The following PCDHGB4 variants were observed in gnomAD, a reference collection of about 807,000 sequenced individuals.
PCDHGB4 encodes protocadherin gamma-B4.
PCDHGB4 carries 38 observed loss-of-function variants against 60.5 expected under a neutral mutation model. That is an observed-to-expected ratio of 0.63 (90% confidence interval 0.48 to 0.82). The LOEUF is 0.82. PCDHGB4 is among the 40% of genes least tolerant of loss of function. PCDHGB4 has a pLI of 0.00. For synonymous variants in PCDHGB4, 456 were observed against 509.7 expected, an observed-to-expected ratio of 0.89 and a Z score of 1.42; for missense variants, 1,109 against 1,209.6, an observed-to-expected ratio of 0.92 and a Z score of 1.23.
At position 141,494,781 on chromosome 5, in the gene PCDHGB4, C is replaced by A. The variant is rs145360252; in HGVS notation, c.2398-26C>A. On this transcript the variant is annotated intron_variant, in intron 1 of 3. Coordinates refer to ENST00000519479, the MANE Select transcript of PCDHGB4 (RefSeq NM_003736.4). ...ATTCTAACTTCTCACGGGTACTCAG[C>A]CCCTTTCCCTCTGTTTTCTCCACAG... 6,156 of 1,614,074 alleles carry A rather than the reference C, an allele frequency of 3.8e-3. 13 individuals are homozygous for A. Among genetic ancestry groups the A allele is most frequent in the Middle Eastern group, 8.1e-3 (49 of 6,062 alleles).
At chr5:141,430,874 C>A in intron 1 of PCDHGB4, 2 of 1,598,990 alleles carry the variant, frequency 1.3e-6, no homozygotes, top group East Asian at 4.5e-5. Context: ...TCCGGAAGAG[C>A]TGGAGAAAGG....
In PCDHGB4 at chr5:141,460,961, A is replaced by ATATGTGTGTG. The variant is rs1463306338; in HGVS notation, c.2398-33845_2398-33844insATGTGTGTGT. On this transcript the variant is annotated intron_variant, in intron 1 of 3. Coordinates refer to ENST00000519479, the MANE Select transcript of PCDHGB4 (RefSeq NM_003736.4). ...ATATATATGTATTATGTATATATAT[A>ATATGTGTGTG]TGTGTGTGTGTGTGTGTGTGTGTAT... Among the ~76,000 whole-genome samples the ATATGTGTGTG allele has an allele frequency of 1.3e-3, 194 of 144,616 alleles. 1 individual carries two copies. The highest frequency in any genetic ancestry group is 4.7e-3 in the African/African-American group (182 of 38,716). 94.9% of individuals were successfully genotyped at this position (144,616 alleles called of 152,430 possible). A position where few individuals can be genotyped will look rare whatever the true frequency, so the allele number is the denominator to read the frequency against.
At chr5:141,404,877 T>C in intron 1 of PCDHGB4, 1 of 1,613,856 alleles carries the variant, frequency 6.2e-7, no homozygotes, top group East Asian at 2.2e-5. Flanking sequence ...AAACAGAGCC[T>C]TGTGGTGGCT....
intron 1 of PCDHGB4, chr5:141,409,714 CG>C: frequency 6.2e-7 from 1 of 1,613,226 alleles, no homozygotes; most frequent in Non-Finnish European, 8.5e-7. Flanking sequence ...TGTCGTCATA[CG>C]TGTCAGTGAG....
At chr5:141,463,831 C>T (rs2099070299) in intron 1 of PCDHGB4, among the ~76,000 whole-genome samples, 1 of 152,174 alleles carries the variant, frequency 6.6e-6, no homozygotes, top group African/African-American at 2.4e-5. Flanking sequence ...TGATCCACTT[C>T]CCAGTTGTTA....
chr5:141,479,941 T>C (rs983830280), intron 1 of PCDHGB4, among the ~76,000 whole-genome samples: 2 of 152,194 alleles, frequency 1.3e-5, no homozygotes, highest in Admixed American at 6.5e-5. Context: ...TGCTATCAAC[T>C]CTTGGATTTG....
chr5:141,399,411 C>G lies in PCDHGB4; in HGVS notation c.2397+9130C>G, dbSNP rs375057054. 3.4e-5 allele frequency: 55 copies of G among 1,613,900 alleles called. No individual in the cohort carries two copies. In the African/African-American group the frequency reaches 5.3e-4, roughly 16 times the overall value. On this transcript the variant is annotated intron_variant, in intron 1 of 3. Transcript: ENST00000519479. ...CCACAGACAGGGGCAAGCCGCCCCT[C>G]TCCTCCAGCATAAGCGTCATCCTAC...
In PCDHGB4 at chr5:141,399,495, T is replaced by G. The variant is rs779594817; in HGVS notation, c.2397+9214T>G. On this transcript the variant is annotated intron_variant, in intron 1 of 3. Transcript: ENST00000519479. ...TCCACCAGGCGTCCTACTTAGTCAGTGTACCCGAAAACAACCCTCCTGGGG... is the reference window on the plus strand; with the variant it reads ...TCCACCAGGCGTCCTACTTAGTCAGGGTACCCGAAAACAACCCTCCTGGGG... 1.1e-5 allele frequency: 18 copies of G among 1,613,916 alleles called. No individual in the cohort carries two copies. Among genetic ancestry groups the G allele is most frequent in the Non-Finnish European group, 1.5e-5 (18 of 1,179,912 alleles).
intron 1 of PCDHGB4, chr5:141,404,037 A>T: frequency 6.2e-7 from 1 of 1,613,888 alleles, no homozygotes; most frequent in East Asian, 2.2e-5. Context: ...GACGCACCTC[A>T]GGGAACAGTA....
chr5:141,478,434 T>C (rs747890986), intron 1 of PCDHGB4: 2 of 1,613,700 alleles, frequency 1.2e-6, no homozygotes, highest in East Asian at 2.2e-5. Flanking sequence ...GACCCGCTGC[T>C]GAAGAAACCT....
rs776015544 is a variant in PCDHGB4, at chr5:141,485,125, G to C, written c.2398-9682G>C. The C allele has an allele frequency of 7.1e-7, 1 of 1,412,278 alleles. No homozygotes were observed. Among genetic ancestry groups the C allele is most frequent in the Admixed American group, 1.7e-5 (1 of 57,660 alleles). 87.5% of individuals were successfully genotyped at this position (1,412,278 alleles called of 1,614,324 possible). On this transcript the variant is annotated intron_variant, in intron 1 of 3. Transcript: ENST00000519479. The surrounding 1 kb of genome is among the most constrained non-coding windows in gnomAD (Gnocchi z 5.7). The stretch of plus-strand genomic sequence containing the variant: ...CTGCTGTGGCTGTTTGGGGCGGGTC[G>C]GCTTCATCCGCGTCTCAGGAGCAAG...
At chr5:141,423,251 ACCTCGGCAG>A (rs770264100) in intron 1 of PCDHGB4, 3 of 1,613,726 alleles carry the variant, frequency 1.9e-6, no homozygotes, top group African/African-American at 2.7e-5. Flanking sequence ...GTCCTGGCGG[ACCTCGGCAG>A]CCTCGAGTCT....
rs2154594676 is a variant in PCDHGB4, at chr5:141,511,333, G to A, written c.*160G>A. 6.9e-7 allele frequency: 1 copy of A among 1,441,948 alleles called. No homozygotes were observed. Among genetic ancestry groups the A allele is most frequent in the Non-Finnish European group, 9.2e-7 (1 of 1,085,894 alleles). The allele number at this position is 1,441,948 out of a possible 1,614,324, so 89.3% of individuals were successfully genotyped here. On this transcript the variant is annotated 3_prime_UTR_variant, in exon 4 of 4. Transcript: ENST00000519479. Reference sequence around the variant, plus strand: ...GGAAACAGAAACAAGTGCCCAGTCAGCACCTACCCCTTCCCCCCCAGGGGG... The same window carrying A: ...GGAAACAGAAACAAGTGCCCAGTCAACACCTACCCCTTCCCCCCCAGGGGG...
In PCDHGB4 at chr5:141,421,780, G is replaced by A. The variant is rs1259671007; in HGVS notation, c.2397+31499G>A. On this transcript the variant is annotated intron_variant, in intron 1 of 3. Coordinates refer to ENST00000519479, the MANE Select transcript of PCDHGB4 (RefSeq NM_003736.4). ...TAATTACTTTTCCTTGCAACTGCGGGGCAGAACGGATGGGGCCAAGAATCC... is the reference window on the plus strand; with the variant it reads ...TAATTACTTTTCCTTGCAACTGCGGAGCAGAACGGATGGGGCCAAGAATCC... The A allele has an allele frequency of 2.5e-6, 4 of 1,613,856 alleles. No homozygotes were observed. In the South Asian group the frequency reaches 4.4e-5, roughly 18 times the overall value.
At chr5:141,464,300 A>T (rs1349155102) in intron 1 of PCDHGB4, among the ~76,000 whole-genome samples, 2 of 149,898 alleles carry the variant, frequency 1.3e-5, no homozygotes, top group African/African-American at 4.9e-5. Flanking sequence ...ACTCCATTGT[A>T]TGTGCACATA....
At position 141,477,217 on chromosome 5, in the gene PCDHGB4, G is replaced by T. The variant is rs745497348; in HGVS notation, c.2398-17590G>T. On this transcript the variant is annotated intron_variant, in intron 1 of 3. Transcript: ENST00000519479. This position sits in a 1 kb window ranked among gnomAD's most constrained non-coding sequence, Gnocchi z 4.9. ...GCCCAGTACCCGAGGATGCCCCTCTGGGGACTGTCATCGCTTTGCTCAGTG... is the reference window on the plus strand; with the variant it reads ...GCCCAGTACCCGAGGATGCCCCTCTTGGGACTGTCATCGCTTTGCTCAGTG... The T allele has an allele frequency of 8.1e-6, 13 of 1,614,178 alleles. No homozygotes were observed. The African/African-American group carries it at 1.7e-4, about 22-fold the overall frequency.
At chr5:141,410,715 GTT>G (rs2154543204) in intron 1 of PCDHGB4, 19 of 1,422,782 alleles carry the variant, frequency 1.3e-5, no homozygotes, top group Non-Finnish European at 1.8e-5. Context: ...AGAATCATAT[GTT>G]TAAAATCCAT....
At chr5:141,503,387 G>A (rs975079596) in intron 2 of PCDHGB4, among the ~76,000 whole-genome samples, 24 of 152,068 alleles carry the variant, frequency 1.6e-4, no homozygotes, top group Middle Eastern at 3.4e-3. Flanking sequence ...ATGAGGTCAG[G>A]AGTTCGAAAC....
At position 141,431,174 on chromosome 5, in the gene PCDHGB4, G is replaced by C. The variant is rs568632160; in HGVS notation, c.2397+40893G>C. 6.2e-7 allele frequency: 1 copy of C among 1,614,224 alleles called. No individual in the cohort carries two copies. The highest frequency in any genetic ancestry group is 1.1e-5 in the South Asian group (1 of 91,088). ...GCCTTACTTTCGTGAAAGTGAATTA[G>C]AAATAAAAATTAGTGAAAATGCAGC... is the stretch of plus-strand genomic sequence containing the variant. On this transcript the variant is annotated intron_variant, in intron 1 of 3. Coordinates refer to ENST00000519479, the MANE Select transcript of PCDHGB4 (RefSeq NM_003736.4). This position sits in a 1 kb window ranked among gnomAD's most constrained non-coding sequence, Gnocchi z 4.8.
Sources: allele counts gnomAD v4.1 joint callset (sites outside exome capture counted in the v4.1 genomes callset), GRCh38; gene constraint gnomAD v4.1.1; non-coding constraint Gnocchi (gnomAD v3.1); transcripts MANE v1.5; gene names NCBI Gene and HGNC (gene_info 2026-07-23, HGNC 2026-07-21).